WDR49: variants seen among roughly 807,000 people sequenced by gnomAD.
The protein encoded by WDR49 is WD repeat domain 49.
In WDR49, 107 loss-of-function variants were observed where a neutral mutation model predicts 119.5. The ratio of observed to expected loss-of-function variants is 0.90; its 90% confidence interval spans 0.77 to 1.05. The LOEUF (loss-of-function observed/expected upper bound fraction) is 1.05, where lower values mean the gene tolerates loss of function less well. Ranked by LOEUF, WDR49 falls within the 50% of genes least tolerant of loss-of-function variation. The probability of loss-of-function intolerance (pLI) is 0.00; values close to 1 mark genes in which losing one functional copy is unlikely to be tolerated. For missense variants in WDR49, 1,240 were observed against 1,220.5 expected (o/e 1.02, Z -0.24); for synonymous variants, 425 against 418.8 (o/e 1.01, Z -0.18).
Position 167,604,354 on chromosome 3 carries a change from T to C in WDR49, c.1073A>G (p.Asn358Ser), listed in dbSNP as rs752326962. ...AAAAGCATGAATGCCCTGGGCAATG[T>C]TGAAGGATGTCATATTAAGACGCTT... ...SKKRLNMTSF[N>S]IAQGIHAFDY... is the part of the protein sequence containing the mutation. Residue 358 changes from asparagine to serine, a missense_variant, in exon 6 of 19, where the codon AAC (asparagine) becomes AGC (serine). Transcript: ENST00000682715. 1 of 1,613,726 alleles carries C rather than the reference T, an allele frequency of 6.2e-7. No homozygotes were observed. The highest frequency in any genetic ancestry group is 1.3e-5 in the African/African-American group (1 of 74,884).
intron 3 of WDR49, among the ~76,000 whole-genome samples, chr3:167,622,392 A>G (rs540137839): frequency 1.3e-5 from 2 of 152,104 alleles, no homozygotes; most frequent in South Asian, 2.1e-4. Context: ...AAAAGAAAGA[A>G]AGAAACAAAT....
At chr3:167,584,034 T>C (rs1016539659) in intron 7 of WDR49, among the ~76,000 whole-genome samples, 1 of 152,034 alleles carries the variant, frequency 6.6e-6, no homozygotes, top group Admixed American at 6.6e-5. Context: ...AATAATTAGG[T>C]ATAACATTAA....
intron 8 of WDR49, among the ~76,000 whole-genome samples, chr3:167,566,679 C>G (rs558752765): frequency 2.5e-3 from 380 of 152,154 alleles, no homozygotes; most frequent in African/African-American, 8.6e-3. Context: ...CATATTCTAC[C>G]GTTGACCAGA....
chr3:167,503,580 T>C (rs560707452), intron 17 of WDR49, among the ~76,000 whole-genome samples: 1 of 152,288 alleles, frequency 6.6e-6, no homozygotes, highest in South Asian at 2.1e-4. Flanking sequence ...CCAGGGCACT[T>C]AGCCGTGCAG....
At chr3:167,655,855 G>A (rs188551330), upstream of WDR49, among the ~76,000 whole-genome samples, 15 of 152,220 alleles carry the variant, frequency 9.9e-5, no homozygotes, top group East Asian at 2.1e-3. Flanking sequence ...CCAAGATCAC[G>A]CCACTGCCCT....
chr3:167,503,390 A>G (rs1279326939), intron 17 of WDR49, among the ~76,000 whole-genome samples: 1 of 152,104 alleles, frequency 6.6e-6, no homozygotes, highest in Non-Finnish European at 1.5e-5. Flanking sequence ...CTGCTTCCAA[A>G]ATGGCGGTGG....
At chr3:167,570,654 A>G (rs1713882078) in intron 8 of WDR49, among the ~76,000 whole-genome samples, 1 of 152,228 alleles carries the variant, frequency 6.6e-6, no homozygotes, top group Admixed American at 6.5e-5. Context: ...ATGTATACAT[A>G]ATGGAATTTT....
chr3:167,634,881 G>C (rs1022642769), intron 2 of WDR49, among the ~76,000 whole-genome samples: 2 of 151,638 alleles, frequency 1.3e-5, no homozygotes, highest in Admixed American at 6.6e-5. Context: ...TTTATTTCTA[G>C]GCAGAAACAG....
intron 15 of WDR49, among the ~76,000 whole-genome samples, chr3:167,526,649 G>A (rs781645353): frequency 6.6e-5 from 10 of 152,188 alleles, no homozygotes; most frequent in Non-Finnish European, 1.2e-4. Flanking sequence ...CTACAGCTCC[G>A]GAGTGTTACA....
chr3:167,516,832 A>G (rs1287720738), intron 16 of WDR49, among the ~76,000 whole-genome samples: 2 of 152,238 alleles, frequency 1.3e-5, no homozygotes, highest in Non-Finnish European at 2.9e-5. Context: ...CAAAGGGCTA[A>G]TATCCAGAAT....
intron 18 of WDR49, among the ~76,000 whole-genome samples, chr3:167,498,787 T>C (rs1644899531): frequency 6.6e-6 from 1 of 152,152 alleles, no homozygotes; most frequent in African/African-American, 2.4e-5. Flanking sequence ...GGGGGTTCAA[T>C]ACAGTTGCAT....
At position 167,602,154 on chromosome 3, in the gene WDR49, T is replaced by C; in HGVS notation, c.1248A>G (p.Lys416=). 5 of 1,599,592 alleles carry C rather than the reference T, an allele frequency of 3.1e-6. No individual in the cohort carries two copies. Among genetic ancestry groups the C allele is most frequent in the Non-Finnish European group, 4.3e-6 (5 of 1,169,800 alleles). The change falls in exon 7 of 19, where the codon AAA becomes AAG. Residue 416 remains lysine, a synonymous_variant. Coordinates refer to ENST00000682715, the MANE Select transcript of WDR49 (RefSeq NM_001366157.1). ...VIAVQFFVER[K]QLFSFSKDKV... ...TATCCTTGGAGAAGCTGAAAAGTTG[T>C]TTTCTTTCCACAAAGAATTGGACGG...
chr3:167,582,902 C>T (rs556020610), intron 7 of WDR49, among the ~76,000 whole-genome samples: 1 of 151,898 alleles, frequency 6.6e-6, no homozygotes, highest in East Asian at 1.9e-4. Flanking sequence ...GAGTCAAGAT[C>T]ACTGCACTCC....
chr3:167,615,203 C>T (rs767072281), intron 5 of WDR49, among the ~76,000 whole-genome samples: 29 of 152,274 alleles, frequency 1.9e-4, no homozygotes, highest in African/African-American at 4.1e-4. Flanking sequence ...GTGGTGATCA[C>T]GGCTCACTGC....
intron 14 of WDR49, among the ~76,000 whole-genome samples, chr3:167,528,460 T>A (rs1752716963): frequency 6.6e-6 from 1 of 151,890 alleles, no homozygotes; most frequent in Admixed American, 6.6e-5. Context: ...ATTTACAATC[T>A]CATTGCAGAT....
rs556811327 is a variant in WDR49, at chr3:167,582,428, T to C, written c.1276-6277A>G. On this transcript the variant is annotated intron_variant, in intron 7 of 18. Coordinates refer to ENST00000682715, the MANE Select transcript of WDR49 (RefSeq NM_001366157.1). The stretch of plus-strand genomic sequence containing the variant: ...AGGACTAAAATCAAACTTAAAATAC[T>C]AGTTTGAAATTAAAATCTTCTCTTC... Among the ~76,000 whole-genome samples, 8 of 152,260 alleles carry C rather than the reference T, an allele frequency of 5.3e-5. No homozygotes were observed. In the South Asian group the frequency reaches 1.7e-3, roughly 32 times the overall value.
At chr3:167,578,135 T>G (rs1392397333) in intron 7 of WDR49, among the ~76,000 whole-genome samples, 5 of 152,098 alleles carry the variant, frequency 3.3e-5, no homozygotes, top group African/African-American at 1.2e-4. Context: ...TGATCCCAAT[T>G]CTTTCAACCA....
intron 10 of WDR49, among the ~76,000 whole-genome samples, chr3:167,539,073 T>C (rs1000595548): frequency 3.3e-5 from 5 of 152,156 alleles, no homozygotes; most frequent in African/African-American, 1.2e-4. Flanking sequence ...CTGGAAGCCA[T>C]AGAGTAAATA....
chr3:167,626,256 T>C (rs1717123354), intron 3 of WDR49, among the ~76,000 whole-genome samples: 1 of 152,026 alleles, frequency 6.6e-6, no homozygotes, highest in South Asian at 2.1e-4. Flanking sequence ...GATTGAATAC[T>C]AGGTACATCA....
Sources: gnomAD v4.1 joint callset for allele counts (sites outside exome capture counted in the v4.1 genomes callset) on GRCh38, gnomAD v4.1.1 for gene constraint, MANE v1.5 for transcripts, NCBI Gene and HGNC (gene_info 2026-07-23, HGNC 2026-07-21) for gene names.